SERGEF: variants seen among roughly 807,000 people sequenced by gnomAD.
SERGEF encodes secretion regulating guanine nucleotide exchange factor.
Under a neutral mutation model 50.0 loss-of-function variants are expected in SERGEF, and 51 were observed. The observed-to-expected ratio is 1.02, with a 90% CI of 0.81 to 1.29. SERGEF has a LOEUF of 1.29. Ranked by LOEUF, SERGEF falls within the 50% of genes most tolerant of loss-of-function variation. The pLI, the probability that SERGEF is intolerant of heterozygous loss-of-function variation, is 0.00. For synonymous variants in SERGEF, 205 were observed against 212.4 expected (o/e 0.97, Z 0.30); for missense variants, 521 against 557.0 (o/e 0.94, Z 0.65).
At chr11:17,976,966 C>T (rs80019134) in intron 8 of SERGEF, among the ~76,000 whole-genome samples, 3,259 of 152,352 alleles carry the variant, frequency 0.021, 105 homozygotes, top group African/African-American at 0.075. Context: ...GCATCACTGT[C>T]AGCCTCAGGG....
At chr11:17,788,436 C>G (rs900413621) in intron 10 of SERGEF, 23 bp from the exon 11 acceptor site, 1 of 1,574,436 alleles carries the variant, frequency 6.4e-7, no homozygotes, top group African/African-American at 1.3e-5. Context: ...GGGAAGACTG[C>G]TGTAGAAGAG....
intron 8 of SERGEF, among the ~76,000 whole-genome samples, chr11:17,970,586 G>A (rs1853226310): frequency 6.6e-6 from 1 of 152,230 alleles, no homozygotes; most frequent in South Asian, 2.1e-4. Context: ...CAAAAGCCAA[G>A]ATAGGCTAAA....
intron 10 of SERGEF, among the ~76,000 whole-genome samples, chr11:17,867,273 G>C (rs544605601): frequency 4.6e-5 from 7 of 152,362 alleles, no homozygotes; most frequent in African/African-American, 1.7e-4. Context: ...TACAGGCTTT[G>C]GGTAAATATA....
chr11:17,949,072 C>G (rs1852723649), intron 9 of SERGEF, among the ~76,000 whole-genome samples: 1 of 152,192 alleles, frequency 6.6e-6, no homozygotes, highest in Non-Finnish European at 1.5e-5. Flanking sequence ...ACCAGTCCCT[C>G]TAACAACTGG....
chr11:18,012,307 G>A (rs1477669351), intron 1 of SERGEF, among the ~76,000 whole-genome samples: 2 of 152,154 alleles, frequency 1.3e-5, no homozygotes, highest in African/African-American at 4.8e-5. Flanking sequence ...ATGCTGGTCG[G>A]CCACCTGCCA....
intron 9 of SERGEF, among the ~76,000 whole-genome samples, chr11:17,933,983 A>G (rs1007315200): frequency 2.0e-5 from 3 of 152,166 alleles, no homozygotes; most frequent in Non-Finnish European, 4.4e-5. Flanking sequence ...AGTTTCTACT[A>G]AAGCTGGTAT....
chr11:17,801,329 A>C (rs955645163), intron 10 of SERGEF, among the ~76,000 whole-genome samples: 1 of 152,216 alleles, frequency 6.6e-6, no homozygotes, highest in African/African-American at 2.4e-5. Flanking sequence ...TCTGATTTAC[A>C]TTTGAAAAGG....
intron 8 of SERGEF, among the ~76,000 whole-genome samples, chr11:17,962,283 C>G (rs1853019645): frequency 6.6e-6 from 1 of 151,938 alleles, no homozygotes; most frequent in Admixed American, 6.6e-5. Flanking sequence ...GAACTCAGGA[C>G]TGTAAGTGCT....
Position 17,788,431 on chromosome 11 carries a change from G to T in SERGEF, c.1049-18C>A. 1 of 1,582,128 alleles carries T rather than the reference G, an allele frequency of 6.3e-7. No homozygotes were observed. Among genetic ancestry groups the T allele is most frequent in the South Asian group, 1.1e-5 (1 of 87,040 alleles). On this transcript the variant is annotated intron_variant, in intron 10 of 10. Transcript: ENST00000265965. ...CACTCCACCTGTGAAGGAGAGGGAAGACTGCTGTAGAAGAGGTTTTGGATA... is the reference window on the plus strand; with the variant it reads ...CACTCCACCTGTGAAGGAGAGGGAATACTGCTGTAGAAGAGGTTTTGGATA...
intron 9 of SERGEF, among the ~76,000 whole-genome samples, chr11:17,953,335 T>C (rs1023098235): frequency 6.6e-6 from 1 of 152,124 alleles, no homozygotes; most frequent in Admixed American, 6.5e-5. Flanking sequence ...CAAGCATCTA[T>C]TGGATTAAAG....
rs759058741 is a variant in SERGEF, at chr11:17,788,238, C to G, written c.1224G>C (p.Leu408Phe). ...GGTAGGTGACCTTGGGGTCCTGGACCAATGCAGGGTGAGCTGGCAGCTGGC... is the reference window on the plus strand; with the variant it reads ...GGTAGGTGACCTTGGGGTCCTGGACGAATGCAGGGTGAGCTGGCAGCTGGC... Reference protein sequence around the residue: ...ALCQLPAHPALVQDPKVTYLS... With the variant: ...ALCQLPAHPAFVQDPKVTYLS... Residue 408 changes from leucine to phenylalanine, a missense_variant, in exon 11 of 11, where the codon TTG (leucine) becomes TTC (phenylalanine). Leu to Phe is a conservative substitution (Grantham distance 22). Transcript: ENST00000265965. The G allele has an allele frequency of 6.2e-7, 1 of 1,613,862 alleles. No homozygotes were observed.
At chr11:17,967,305 C>T (rs986498152) in intron 8 of SERGEF, among the ~76,000 whole-genome samples, 3 of 152,180 alleles carry the variant, frequency 2.0e-5, no homozygotes, top group Admixed American at 6.5e-5. Flanking sequence ...CTCAGCTCCA[C>T]TTTTCACGTG....
chr11:18,004,993 G>A (rs1854044780), intron 3 of SERGEF, among the ~76,000 whole-genome samples: 1 of 152,144 alleles, frequency 6.6e-6, no homozygotes, highest in South Asian at 2.1e-4. Context: ...GTCATTCTAG[G>A]CTGACACATA....
At position 17,959,628 on chromosome 11, in the gene SERGEF, T is replaced by G. The variant is rs777038173; in HGVS notation, c.853A>C (p.Lys285Gln). Residue 285 changes from lysine (K) to glutamine (Q), a missense_variant, in exon 9 of 11, where the codon AAG (lysine) becomes CAG (glutamine). By Grantham distance (53) the Lys-to-Gln change is moderately conservative. Transcript: ENST00000265965. ...THLVAQTETG[K>Q]MFTWGRADYG... ...TCTGCTCGGCCCCAGGTAAACATCT[T>G]GCCAGTTTCTAAAAACAAATATTAT... 3 of 1,610,476 alleles carry G rather than the reference T, an allele frequency of 1.9e-6. No individual in the cohort carries two copies. The East Asian group carries it at 6.7e-5, about 36-fold the overall frequency.
At chr11:17,865,296 A>T (rs1163333550) in intron 10 of SERGEF, among the ~76,000 whole-genome samples, 1 of 152,240 alleles carries the variant, frequency 6.6e-6, no homozygotes, top group Non-Finnish European at 1.5e-5. Flanking sequence ...TACAGTATGT[A>T]ATAATACTTG....
chr11:17,805,507 G>T (rs1849742973), intron 10 of SERGEF, among the ~76,000 whole-genome samples: 2 of 152,174 alleles, frequency 1.3e-5, no homozygotes, highest in African/African-American at 4.8e-5. Flanking sequence ...AGCTCCATCA[G>T]CCCCACCACA....
At chr11:17,805,840 A>G (rs1004065253) in intron 10 of SERGEF, among the ~76,000 whole-genome samples, 1 of 152,196 alleles carries the variant, frequency 6.6e-6, no homozygotes, top group Admixed American at 6.5e-5. Flanking sequence ...TTGTTCTGAC[A>G]ATTCCAGTGC....
chr11:17,963,975 A>C (rs1853067551), intron 8 of SERGEF, among the ~76,000 whole-genome samples: 1 of 152,144 alleles, frequency 6.6e-6, no homozygotes, highest in Non-Finnish European at 1.5e-5. Flanking sequence ...CTAGAATAGA[A>C]GTCATAGGAA....
Position 18,012,960 on chromosome 11 carries a change from G to A in SERGEF, c.51C>T (p.Leu17=), listed in dbSNP as rs901901914. The A allele has an allele frequency of 5.4e-6, 8 of 1,482,516 alleles. No individual in the cohort carries two copies. The Admixed American group carries it at 7.2e-5, about 13-fold the overall frequency. The allele number at this position is 1,482,516 out of a possible 1,614,324, so 91.8% of individuals were successfully genotyped here. A position where few individuals can be genotyped will look rare whatever the true frequency, so the allele number is the denominator to read the frequency against. The change falls in exon 1 of 11, where the codon CTC becomes CTT. Residue 17 remains leucine, a synonymous_variant. Transcript: ENST00000265965. ...GGGCGGAGTCACGTACCCAGGCGAA[G>A]AGCGCGGCCGCCGCGGGGGCGGCCT... ...ASEAAPAAAA[L]FAWGANSYGQ... is the part of the protein sequence containing the mutation.
Sources: allele counts gnomAD v4.1 joint callset (sites outside exome capture counted in the v4.1 genomes callset), GRCh38; gene constraint gnomAD v4.1.1; transcripts MANE v1.5; gene names NCBI Gene and HGNC (gene_info 2026-07-23, HGNC 2026-07-21).